RRAS2: variants seen among roughly 807,000 people sequenced by gnomAD.
RRAS2 encodes the protein ras-related protein R-Ras2.
In RRAS2, 7 loss-of-function variants were observed where a neutral mutation model predicts 27.6. The ratio of observed to expected loss-of-function variants is 0.25; its 90% CI spans 0.14 to 0.48. RRAS2 has a LOEUF of 0.48. Ranked by LOEUF, RRAS2 falls within the 20% of genes least tolerant of loss-of-function variation. The pLI is 0.99. For synonymous variants in RRAS2, 86 were observed against 90.9 expected (o/e 0.95, Z 0.31); for missense variants, 178 against 256.2 (o/e 0.69, Z 2.08).
intron 1 of RRAS2, among the ~76,000 whole-genome samples, chr11:14,339,268 T>A (rs1199679007): frequency 1.0e-5 from 1 of 95,982 alleles, no homozygotes; most frequent in Non-Finnish European, 1.8e-5. Context: ...ACAATGAGAC[T>A]GTCTCTACCA....
intron 2 of RRAS2, 102 bp from the exon 3 acceptor site, chr11:14,294,964 T>C (rs1321418241): frequency 7.8e-6 from 7 of 893,784 alleles, no homozygotes; most frequent in Non-Finnish European, 1.3e-5. Context: ...GCCTCATACT[T>C]GGTATAATAC....
chr11:14,339,322 T>C (rs1438991275), intron 1 of RRAS2, among the ~76,000 whole-genome samples: 1 of 115,196 alleles, frequency 8.7e-6, no homozygotes, highest in South Asian at 3.1e-4. Context: ...AAATCTATAA[T>C]AAAAAAATAA....
chr11:14,287,243 G>A (rs1554945164), intron 4 of RRAS2, among the ~76,000 whole-genome samples: 1 of 152,186 alleles, frequency 6.6e-6, no homozygotes, highest in African/African-American at 2.4e-5. Flanking sequence ...AGGCTAGGAA[G>A]TTAAGACAGG....
upstream of RRAS2, among the ~76,000 whole-genome samples, chr11:14,362,280 G>A (rs1849200324): frequency 6.6e-6 from 1 of 152,174 alleles, no homozygotes; most frequent in African/African-American, 2.4e-5. Context: ...GGTTTCATTT[G>A]AACTGTGAAG....
chr11:14,310,183 C>T (rs969280216), intron 1 of RRAS2, among the ~76,000 whole-genome samples: 7 of 152,092 alleles, frequency 4.6e-5, no homozygotes, highest in Non-Finnish European at 8.8e-5. Flanking sequence ...ATGGTGGTAC[C>T]ATTTATTGGG....
intron 4 of RRAS2, among the ~76,000 whole-genome samples, chr11:14,287,849 T>C (rs1177526191): frequency 2.0e-5 from 3 of 147,256 alleles, no homozygotes; most frequent in Admixed American, 6.9e-5. Flanking sequence ...TCTAGCCTGG[T>C]TGACAGAGCA....
intron 1 of RRAS2, among the ~76,000 whole-genome samples, chr11:14,339,296 G>GTT (rs1848650922): frequency 8.9e-6 from 1 of 112,054 alleles, no homozygotes; most frequent in East Asian, 3.4e-4. Context: ...AAAAAAAAGG[G>GTT]GGGGGGGGGA....
intron 4 of RRAS2, among the ~76,000 whole-genome samples, chr11:14,287,530 T>C (rs1554945219): frequency 6.6e-6 from 1 of 152,134 alleles, no homozygotes; most frequent in Non-Finnish European, 1.5e-5. Flanking sequence ...TCATGCATAA[T>C]GTAATTCACA....
chr11:14,358,623 C>T lies in RRAS2; in HGVS notation c.108+140G>A. On this transcript the variant is annotated intron_variant, in intron 1 of 5. Transcript: ENST00000256196. The surrounding 1 kb of genome is among the most constrained non-coding windows in gnomAD (Gnocchi z 5.1). ...CCGCAGGGCAGGAGCGTAGTCGGCC[C>T]CGCGCCCTCCCGCCCCCTGGCCCCG... 2 of 976,938 alleles carry T rather than the reference C, an allele frequency of 2.0e-6. No homozygotes were observed. Among genetic ancestry groups the T allele is most frequent in the Non-Finnish European group, 2.4e-6 (2 of 822,070 alleles). 60.5% of individuals were successfully genotyped at this position (976,938 alleles called of 1,614,324 possible). A position where few individuals can be genotyped will look rare whatever the true frequency, so the allele number is the denominator to read the frequency against.
intron 1 of RRAS2, among the ~76,000 whole-genome samples, chr11:14,339,752 T>C (rs1848661853): frequency 6.6e-6 from 1 of 152,166 alleles, no homozygotes; most frequent in Non-Finnish European, 1.5e-5. Flanking sequence ...GCTTCTAACA[T>C]TTTGATATTT....
chr11:14,328,055 C>T (rs1554951289), intron 1 of RRAS2, among the ~76,000 whole-genome samples: 1 of 152,110 alleles, frequency 6.6e-6, no homozygotes, highest in Non-Finnish European at 1.5e-5. Context: ...TTACAAAGTA[C>T]ATAAGGCTAA....
intron 1 of RRAS2, among the ~76,000 whole-genome samples, chr11:14,328,584 G>C (rs1440723597): frequency 2.0e-5 from 3 of 151,640 alleles, no homozygotes; most frequent in African/African-American, 7.3e-5. Flanking sequence ...AAGAAAAACA[G>C]CTATAGTATG....
intron 1 of RRAS2, among the ~76,000 whole-genome samples, chr11:14,317,040 T>G (rs1554949645): frequency 1.3e-5 from 2 of 152,268 alleles, no homozygotes; most frequent in South Asian, 2.1e-4. Flanking sequence ...ATGTGTGCCT[T>G]AGAATGAAGG....
At chr11:14,301,658 C>T (rs1288075984) in intron 1 of RRAS2, among the ~76,000 whole-genome samples, 4 of 152,144 alleles carry the variant, frequency 2.6e-5, no homozygotes, top group African/African-American at 9.7e-5. Flanking sequence ...ATCTTCCATT[C>T]CTGCTTCCAC....
At chr11:14,347,338 T>C (rs1848856666) in intron 1 of RRAS2, among the ~76,000 whole-genome samples, 1 of 152,156 alleles carries the variant, frequency 6.6e-6, no homozygotes, top group South Asian at 2.1e-4. Flanking sequence ...CAAAACAGAA[T>C]GCAGAAGATT....
At chr11:14,289,227 TATA>T (rs781831867) in intron 4 of RRAS2, among the ~76,000 whole-genome samples, 6 of 152,146 alleles carry the variant, frequency 3.9e-5, no homozygotes, top group Non-Finnish European at 7.3e-5. Context: ...TTATTTTAAG[TATA>T]ATAAGTTATT....
At position 14,328,985 on chromosome 11, in the gene RRAS2, ATGTG is replaced by A. The variant is rs201186500; in HGVS notation, c.108+29774_108+29777del. Among the ~76,000 whole-genome samples, 30 of 139,732 alleles carry A rather than the reference ATGTG, an allele frequency of 2.1e-4. No individual in the cohort carries two copies. In the East Asian group the frequency reaches 3.6e-3, roughly 17 times the overall value. The allele number at this position is 139,732 out of a possible 152,430, so 91.7% of individuals were successfully genotyped here. On this transcript the variant is annotated intron_variant, in intron 1 of 5. Coordinates refer to ENST00000256196, the MANE Select transcript of RRAS2 (RefSeq NM_012250.6). ...GGCACATACACCAAATTTTATATAT[ATGTG>A]TGTGTGTGTGTGTGTGTGTGTGTAT...
chr11:14,288,143 A>AT (rs879965697), intron 4 of RRAS2, among the ~76,000 whole-genome samples: 4 of 151,148 alleles, frequency 2.6e-5, no homozygotes, highest in East Asian at 1.9e-4. Context: ...ACCATGCCTA[A>AT]TTTTTTTTTA....
chr11:14,351,707 G>C (rs1848956293), intron 1 of RRAS2, among the ~76,000 whole-genome samples: 2 of 150,058 alleles, frequency 1.3e-5, no homozygotes, highest in African/African-American at 4.9e-5. Flanking sequence ...TCCAGCCTGG[G>C]CAACAAAAGT....
Sources: gnomAD v4.1 joint callset for allele counts (sites outside exome capture counted in the v4.1 genomes callset) on GRCh38, gnomAD v4.1.1 for gene constraint, Gnocchi (gnomAD v3.1) non-coding constraint, MANE v1.5 for transcripts, NCBI Gene and HGNC (gene_info 2026-07-23, HGNC 2026-07-21) for gene names.